The following CDK6 variants were observed in gnomAD, a reference collection of about 807,000 sequenced individuals.
The protein encoded by CDK6 is cyclin-dependent kinase 6.
CDK6 carries 6 observed loss-of-function variants against 37.1 expected under a neutral mutation model. The ratio of observed to expected loss-of-function variants is 0.16; its 90% confidence interval spans 0.09 to 0.32. The LOEUF is 0.32. Among genes scored for constraint, CDK6 ranks in the 10% least tolerant of loss-of-function variants. The pLI is 1.00. For missense variants in CDK6, 224 were observed against 418.9 expected, an observed-to-expected ratio of 0.53 and a Z score of 4.06; for synonymous variants, 160 against 161.3, an observed-to-expected ratio of 0.99 and a Z score of 0.06.
In CDK6 at chr7:92,605,821, C is replaced by T. The variant is rs1795414938; in HGVS notation, c.*9319G>A. 1 of 233,282 alleles carries T rather than the reference C, an allele frequency of 4.3e-6. No individual in the cohort carries two copies. Among genetic ancestry groups the T allele is most frequent in the South Asian group, 1.8e-4 (1 of 5,524 alleles). 14.5% of individuals were successfully genotyped at this position (233,282 alleles called of 1,614,324 possible). A position where few individuals can be genotyped will look rare whatever the true frequency, so the allele number is the denominator to read the frequency against. ...GAATAGGTAGGAAGGTTCTTGCTTT[C>T]AGAGAGCTGTGCTGCACCCACAGGG... On this transcript the variant is annotated 3_prime_UTR_variant, in exon 8 of 8. Transcript: ENST00000424848.
intron 2 of CDK6, among the ~76,000 whole-genome samples, chr7:92,776,519 CCCA>C (rs1238884343): frequency 6.6e-6 from 1 of 152,220 alleles, no homozygotes; most frequent in Non-Finnish European, 1.5e-5. Context: ...AATTTACACT[CCCA>C]CCAACAGTGT....
chr7:92,679,465 TCAA>T (rs1360525916), intron 4 of CDK6, among the ~76,000 whole-genome samples: 1 of 152,236 alleles, frequency 6.6e-6, no homozygotes, highest in Non-Finnish European at 1.5e-5. Flanking sequence ...CGGGCCCACT[TCAA>T]CAACATGTCT....
intron 4 of CDK6, among the ~76,000 whole-genome samples, chr7:92,697,386 T>C (rs1797744797): frequency 6.6e-6 from 1 of 152,240 alleles, no homozygotes; most frequent in Admixed American, 6.5e-5. Flanking sequence ...GAGTCTTCCG[T>C]ACGCCTGGCA....
intron 3 of CDK6, among the ~76,000 whole-genome samples, chr7:92,758,021 A>C (rs1424156994): frequency 6.6e-6 from 1 of 152,000 alleles, no homozygotes; most frequent in East Asian, 1.9e-4. Flanking sequence ...AATTTGTTTA[A>C]TTTCCTTACA....
intron 4 of CDK6, among the ~76,000 whole-genome samples, chr7:92,714,746 C>A (rs73710462): frequency 1.2e-3 from 184 of 152,072 alleles, no homozygotes; most frequent in African/African-American, 4.3e-3. Flanking sequence ...ATTTCACATT[C>A]TTGATAGTAG....
intron 2 of CDK6, among the ~76,000 whole-genome samples, chr7:92,817,558 G>A (rs1319600299): frequency 1.3e-5 from 2 of 151,830 alleles, no homozygotes; most frequent in African/African-American, 4.8e-5. Flanking sequence ...TAGGGCAAAA[G>A]TCTGAATAGT....
intron 5 of CDK6, among the ~76,000 whole-genome samples, chr7:92,625,716 T>C (rs1005062438): frequency 1.6e-4 from 25 of 152,040 alleles, no homozygotes; most frequent in Non-Finnish European, 4.4e-5. Context: ...TCAGTAACAG[T>C]GGCAAACAAC....
intron 2 of CDK6, among the ~76,000 whole-genome samples, chr7:92,809,481 T>C (rs2115933900): frequency 6.6e-6 from 1 of 152,354 alleles, no homozygotes; most frequent in South Asian, 2.1e-4. Context: ...TACTGGTCAC[T>C]AAGCCTTTCC....
chr7:92,786,304 A>C (rs976432828), intron 2 of CDK6, among the ~76,000 whole-genome samples: 6 of 152,196 alleles, frequency 3.9e-5, no homozygotes, highest in African/African-American at 1.4e-4. Flanking sequence ...CACATCCTTA[A>C]TAGGTGAGTA....
At chr7:92,747,930 T>C (rs184827549) in intron 3 of CDK6, among the ~76,000 whole-genome samples, 69 of 152,330 alleles carry the variant, frequency 4.5e-4, no homozygotes, top group African/African-American at 1.5e-3. Context: ...GTATTTTAAA[T>C]ACATCAAATA....
chr7:92,664,623 T>A (rs1796914563), intron 5 of CDK6, among the ~76,000 whole-genome samples: 1 of 152,188 alleles, frequency 6.6e-6, no homozygotes, highest in Admixed American at 6.5e-5. Flanking sequence ...GGAAGCCTTG[T>A]TTGTTTCCTT....
At chr7:92,666,910 A>C (rs1232021366) in intron 5 of CDK6, among the ~76,000 whole-genome samples, 1 of 152,200 alleles carries the variant, frequency 6.6e-6, no homozygotes, top group Non-Finnish European at 1.5e-5. Flanking sequence ...TAACTGTACA[A>C]CAGTCTCAGC....
intron 2 of CDK6, among the ~76,000 whole-genome samples, chr7:92,775,844 A>G (rs1422925646): frequency 6.6e-6 from 1 of 152,212 alleles, no homozygotes; most frequent in African/African-American, 2.4e-5. Flanking sequence ...GAAACTATAA[A>G]TGTGCATAGA....
chr7:92,833,720 A>C lies in CDK6; in HGVS notation c.-367-30T>G. ...AGGAGGAGACGGGAGGATAAGAAGA[A>C]AGTGCAATCAGACAGCCCAGAAGCC... On this transcript the variant is annotated intron_variant, in intron 1 of 7. Transcript: ENST00000424848. The surrounding 1 kb of genome is among the most constrained non-coding windows in gnomAD (Gnocchi z 6.1). 1 of 431,180 alleles carries C rather than the reference A, an allele frequency of 2.3e-6. No homozygotes were observed. Among genetic ancestry groups the C allele is most frequent in the South Asian group, 7.7e-5 (1 of 13,024 alleles). The allele number at this position is 431,180 out of a possible 1,614,324, so 26.7% of individuals were successfully genotyped here.
intron 3 of CDK6, among the ~76,000 whole-genome samples, chr7:92,754,481 G>C (rs965533574): frequency 6.6e-6 from 1 of 152,122 alleles, no homozygotes; most frequent in Non-Finnish European, 1.5e-5. Context: ...TCTGTAAACA[G>C]TTTTAATGAT....
At chr7:92,747,229 T>G (rs2115661072) in intron 3 of CDK6, among the ~76,000 whole-genome samples, 1 of 152,326 alleles carries the variant, frequency 6.6e-6, no homozygotes, top group African/African-American at 2.4e-5. Flanking sequence ...TCTTCTCAAT[T>G]TCTCATTTCC....
In CDK6 at chr7:92,605,215, ATC is replaced by A. The variant is rs1795399389; in HGVS notation, c.*9923_*9924del. ...TTTGAAAAAAACAATGAACTTCATC[ATC>A]TGACAATAAATACCTACATTTTCAT... is the stretch of plus-strand genomic sequence containing the variant. On this transcript the variant is annotated 3_prime_UTR_variant, in exon 8 of 8. Transcript: ENST00000424848. 4.3e-6 allele frequency: 1 copy of A among 233,442 alleles called. No individual in the cohort carries two copies. The highest frequency in any genetic ancestry group is 5.6e-5 in the Admixed American group (1 of 17,802). The allele number at this position is 233,442 out of a possible 1,614,324, so 14.5% of individuals were successfully genotyped here.
chr7:92,727,709 A>C (rs1798545909), intron 3 of CDK6, among the ~76,000 whole-genome samples: 1 of 152,172 alleles, frequency 6.6e-6, no homozygotes, highest in African/African-American at 2.4e-5. Flanking sequence ...GATCCCCCTG[A>C]GTGAATATTC....
intron 5 of CDK6, among the ~76,000 whole-genome samples, chr7:92,652,671 A>G (rs1796602836): frequency 6.6e-6 from 1 of 152,124 alleles, no homozygotes. Context: ...ACCCAACCAC[A>G]TTCCTATAGG....
Sources: gnomAD v4.1 joint callset for allele counts (sites outside exome capture counted in the v4.1 genomes callset) on GRCh38, gnomAD v4.1.1 for gene constraint, Gnocchi (gnomAD v3.1) non-coding constraint, MANE v1.5 for transcripts, NCBI Gene and HGNC (gene_info 2026-07-23, HGNC 2026-07-21) for gene names.